The following SFRP1 variants were observed in gnomAD, a reference collection of about 807,000 sequenced individuals.
SFRP1 encodes the protein secreted frizzled related protein 1, also known as secreted frizzled-related protein 1.
A neutral mutation model predicts 25.9 loss-of-function variants in SFRP1; 9 were observed. The observed-to-expected ratio is 0.35, with a 90% CI of 0.21 to 0.61. The LOEUF is 0.61. Among genes scored for constraint, SFRP1 ranks in the 20% least tolerant of loss-of-function variants. The probability of loss-of-function intolerance (pLI) is 0.78; values close to 1 mark genes in which losing one functional copy is unlikely to be tolerated. For synonymous variants in SFRP1, 178 were observed against 174.0 expected, an observed-to-expected ratio of 1.02 and a Z score of -0.18; for missense variants, 346 against 418.2, an observed-to-expected ratio of 0.83 and a Z score of 1.51.
At chr8:41,275,975 T>C (rs1357208075) in intron 2 of SFRP1, among the ~76,000 whole-genome samples, 1 of 152,206 alleles carries the variant, frequency 6.6e-6, no homozygotes, top group Non-Finnish European at 1.5e-5. Context: ...CTCGAACTCC[T>C]GAGCTCAAGT....
intron 2 of SFRP1, among the ~76,000 whole-genome samples, chr8:41,297,680 T>G (rs904682322): frequency 2.6e-5 from 4 of 152,122 alleles, no homozygotes; most frequent in Admixed American, 6.5e-5. Flanking sequence ...TCAGGGAAGT[T>G]AAGAGACTTT....
intron 2 of SFRP1, among the ~76,000 whole-genome samples, chr8:41,296,354 G>A (rs907242932): frequency 1.8e-4 from 27 of 152,118 alleles, no homozygotes; most frequent in Admixed American, 5.9e-4. Context: ...TAAATCATCC[G>A]TGTGACAGTG....
chr8:41,280,448 T>A (rs1803621841), intron 2 of SFRP1, among the ~76,000 whole-genome samples: 1 of 152,172 alleles, frequency 6.6e-6, no homozygotes, highest in Non-Finnish European at 1.5e-5. Flanking sequence ...CTGGCACGCA[T>A]TCAAGGCAGC....
intron 2 of SFRP1, among the ~76,000 whole-genome samples, chr8:41,292,758 G>C (rs1307817625): frequency 1.3e-5 from 2 of 152,166 alleles, no homozygotes; most frequent in Non-Finnish European, 2.9e-5. Flanking sequence ...AACGATTGTT[G>C]AATCATCTCT....
chr8:41,293,693 A>T (rs536619739), intron 2 of SFRP1, among the ~76,000 whole-genome samples: 2 of 151,864 alleles, frequency 1.3e-5, no homozygotes, highest in African/African-American at 4.8e-5. Flanking sequence ...GTTACCAAAG[A>T]GCAGAGACAA....
At chr8:41,276,880 C>A in intron 2 of SFRP1, 1 of 455,590 alleles carries the variant, frequency 2.2e-6, no homozygotes, top group South Asian at 1.6e-5. Context: ...AGCCCTCTCC[C>A]CAGTACTCAC....
intron 2 of SFRP1, among the ~76,000 whole-genome samples, chr8:41,280,140 C>A (rs1459954787): frequency 6.6e-6 from 1 of 152,202 alleles, no homozygotes; most frequent in African/African-American, 2.4e-5. Flanking sequence ...CTCCCAAGTC[C>A]AGGGGAGTGC....
intron 2 of SFRP1, among the ~76,000 whole-genome samples, chr8:41,289,458 C>T (rs894999779): frequency 6.6e-6 from 1 of 152,160 alleles, no homozygotes; most frequent in African/African-American, 2.4e-5. Context: ...TGTTTCTTAA[C>T]AGGTGGGTAA....
intron 2 of SFRP1, among the ~76,000 whole-genome samples, chr8:41,299,010 C>T (rs999062292): frequency 6.6e-6 from 1 of 152,054 alleles, no homozygotes; most frequent in African/African-American, 2.4e-5. Context: ...TAGTCATATC[C>T]AAAGATGAGG....
chr8:41,265,467 T>C lies in SFRP1; in HGVS notation c.645A>G (p.Glu215=). ...SEFALRMKIK[E]VKKENGDKKI... ...TCTTGTCGCCATTTTCTTTTTTCAC[T>C]TCTTTTATTTTCATCCTCAGTGCTA... The change falls in exon 3 of 3, where the codon GAA becomes GAG. Residue 215 remains glutamate (E), a synonymous_variant. Coordinates refer to ENST00000220772, the MANE Select transcript of SFRP1 (RefSeq NM_003012.5). The C allele has an allele frequency of 6.2e-7, 1 of 1,606,766 alleles. No homozygotes were observed. The highest frequency in any genetic ancestry group is 8.5e-7 in the Non-Finnish European group (1 of 1,178,356).
Position 41,281,314 on chromosome 8 carries a change from G to A in SFRP1, c.623-15825C>T, listed in dbSNP as rs574640969. On this transcript the variant is annotated intron_variant, in intron 2 of 2. Coordinates refer to ENST00000220772, the MANE Select transcript of SFRP1 (RefSeq NM_003012.5). ...TGTTACACAGCTGGGCACATTCGGG[G>A]GCCATGCAGGCCCTTCAAGGATTTG... Among the ~76,000 whole-genome samples, 8 of 152,348 alleles carry A rather than the reference G, an allele frequency of 5.3e-5. No homozygotes were observed. The South Asian group carries it at 6.2e-4, about 12-fold the overall frequency.
rs1057451989 is a variant in SFRP1 at position 41,308,891 on chromosome 8, A to G, written c.269T>C (p.Val90Ala). The G allele has an allele frequency of 4.3e-6, 7 of 1,611,590 alleles. No homozygotes were observed. The highest frequency in any genetic ancestry group is 5.9e-6 in the Non-Finnish European group (7 of 1,179,734). The change falls in exon 1 of 3, where the codon GTG (valine) becomes GCG (alanine). Residue 90 changes from valine (V) to alanine (A), a missense_variant. Coordinates refer to ENST00000220772, the MANE Select transcript of SFRP1 (RefSeq NM_003012.5). ...CACCCAGCTGCTGGCCTGCTGCTTCACCTCCGCCATGGTCTCGTGCTCCAG... is the reference window on the plus strand; with the variant it reads ...CACCCAGCTGCTGGCCTGCTGCTTCGCCTCCGCCATGGTCTCGTGCTCCAG... ...NLLEHETMAE[V>A]KQQASSWVPL...
chr8:41,274,123 T>G (rs1371666629), intron 2 of SFRP1, among the ~76,000 whole-genome samples: 2 of 152,208 alleles, frequency 1.3e-5, no homozygotes, highest in African/African-American at 4.8e-5. Flanking sequence ...GCTTCTCTGG[T>G]TCTCCAGCTT....
intron 2 of SFRP1, among the ~76,000 whole-genome samples, chr8:41,302,647 C>T (rs1323822607): frequency 2.0e-5 from 3 of 152,222 alleles, no homozygotes; most frequent in African/African-American, 7.2e-5. Flanking sequence ...AGAGAGGGAG[C>T]TGGCCCTCCA....
At chr8:41,294,972 G>C (rs1279784057) in intron 2 of SFRP1, among the ~76,000 whole-genome samples, 1 of 152,196 alleles carries the variant, frequency 6.6e-6, no homozygotes, top group African/African-American at 2.4e-5. Context: ...AGAACCCCAA[G>C]GCTAGTGTGA....
At chr8:41,285,283 A>AAGTGG (rs1803684461) in intron 2 of SFRP1, among the ~76,000 whole-genome samples, 4 of 151,708 alleles carry the variant, frequency 2.6e-5, no homozygotes, top group South Asian at 2.1e-4. Context: ...CAGAACCAGG[A>AAGTGG]CTCCCGACTT....
At chr8:41,278,553 G>A (rs536798774) in intron 2 of SFRP1, among the ~76,000 whole-genome samples, 8 of 152,292 alleles carry the variant, frequency 5.3e-5, no homozygotes, top group African/African-American at 1.4e-4. Context: ...TTGAAATCCA[G>A]TAGAGAAGCC....
intron 2 of SFRP1, among the ~76,000 whole-genome samples, chr8:41,293,790 A>G (rs1803807327): frequency 6.6e-6 from 1 of 152,076 alleles, no homozygotes; most frequent in Admixed American, 6.5e-5. Context: ...CTGTTTTGAG[A>G]CAAGGTCTTG....
intron 1 of SFRP1, among the ~76,000 whole-genome samples, chr8:41,307,873 A>G (rs945000858): frequency 1.1e-4 from 16 of 152,112 alleles, no homozygotes; most frequent in Non-Finnish European, 1.8e-4. Flanking sequence ...AGCTAATTAC[A>G]TTTTTATCTT....
Sources: gnomAD v4.1 joint callset for allele counts (sites outside exome capture counted in the v4.1 genomes callset) on GRCh38, gnomAD v4.1.1 for gene constraint, MANE v1.5 for transcripts, NCBI Gene and HGNC (gene_info 2026-07-23, HGNC 2026-07-21) for gene names.